Variants in ACO1 observed in about 807,000 individuals in gnomAD.
ACO1 encodes aconitase 1.
ACO1 carries 78 observed loss-of-function variants against 105.1 expected under a neutral mutation model. The observed-to-expected ratio is 0.74, with a 90% confidence interval of 0.62 to 0.90. The LOEUF (loss-of-function observed/expected upper bound fraction) is 0.90, where lower values mean the gene tolerates loss of function less well. Ranked by LOEUF, ACO1 falls within the 40% of genes least tolerant of loss-of-function variation. The pLI is 0.00. For missense variants in ACO1, 965 were observed against 1,111.1 expected (o/e 0.87, Z 1.87); for synonymous variants, 364 against 397.4 (o/e 0.92, Z 1.00).
chr9:32,421,708 C>T (rs1227412580), intron 8 of ACO1, among the ~76,000 whole-genome samples: 2 of 152,018 alleles, frequency 1.3e-5, no homozygotes, highest in African/African-American at 4.8e-5. Flanking sequence ...GGGCCGATCT[C>T]GCACCACTGC....
At chr9:32,387,623 G>A (rs1821181906) in intron 1 of ACO1, among the ~76,000 whole-genome samples, 1 of 152,136 alleles carries the variant, frequency 6.6e-6, no homozygotes, top group Non-Finnish European at 1.5e-5. Flanking sequence ...AAAAAAATCT[G>A]TTTTCATCAT....
chr9:32,391,425 AAT>A (rs1821265030), intron 1 of ACO1, among the ~76,000 whole-genome samples: 1 of 152,230 alleles, frequency 6.6e-6, no homozygotes, highest in East Asian at 1.9e-4. Context: ...CTATTGAAAC[AAT>A]ATCACACTCT....
intron 1 of ACO1, among the ~76,000 whole-genome samples, chr9:32,404,480 TAAGCC>T (rs1821563318): frequency 6.6e-6 from 1 of 152,302 alleles, no homozygotes. Flanking sequence ...CCAACTTTTA[TAAGCC>T]AAGAATTCAT....
chr9:32,392,001 A>G (rs947180766), intron 1 of ACO1, among the ~76,000 whole-genome samples: 1 of 152,224 alleles, frequency 6.6e-6, no homozygotes, highest in Non-Finnish European at 1.5e-5. Context: ...AATAATGCCT[A>G]TATTATTTAC....
intron 4 of ACO1, among the ~76,000 whole-genome samples, chr9:32,415,627 G>A (rs1407354469): frequency 2.6e-5 from 4 of 152,206 alleles, no homozygotes; most frequent in Admixed American, 2.0e-4. Context: ...AGTACCTTGA[G>A]GAGCAGCTGT....
chr9:32,393,985 C>T (rs1821319724), intron 1 of ACO1, among the ~76,000 whole-genome samples: 1 of 152,154 alleles, frequency 6.6e-6, no homozygotes, highest in South Asian at 2.1e-4. Flanking sequence ...GATTGCAGCT[C>T]AGAATCCTTT....
intron 2 of ACO1, 129 bp downstream of exon 2, chr9:32,405,732 CACAA>C: frequency 1.6e-6 from 1 of 643,686 alleles, no homozygotes; most frequent in Non-Finnish European, 2.7e-6. Flanking sequence ...GGATTAAGTG[CACAA>C]GCACTCACAT....
rs200246624 is a variant in ACO1, at chr9:32,448,995, G to A, written c.2470G>A (p.Ala824Thr). The stretch of plus-strand genomic sequence containing the variant: ...ACTTGAATATCTCCCTGGTGAGAAT[G>A]CAGATGCCCTGGGGCTCACAGGGCA... ...IPLEYLPGEN[A>T]DALGLTGQER... The change falls in exon 20 of 21, where the codon GCA becomes ACA. Residue 824 changes from alanine (A) to threonine (T), a missense_variant. Physicochemically the swap from Ala to Thr is moderately conservative, Grantham distance 58. Transcript: ENST00000309951. The A allele has an allele frequency of 1.2e-6, 2 of 1,614,186 alleles. No homozygotes were observed. The highest frequency in any genetic ancestry group is 2.7e-5 in the African/African-American group (2 of 75,040).
intron 2 of ACO1, 142 bp from the exon 3 acceptor site, chr9:32,407,119 T>C (rs1471524861): frequency 2.7e-6 from 2 of 746,466 alleles, no homozygotes; most frequent in Non-Finnish European, 4.4e-6. Flanking sequence ...TCCATGTATT[T>C]TAAACTGTTG....
At chr9:32,400,223 G>C (rs139701924) in intron 1 of ACO1, among the ~76,000 whole-genome samples, 566 of 152,018 alleles carry the variant, frequency 3.7e-3, no homozygotes, top group Non-Finnish European at 6.1e-3. Context: ...CGCCCATCTC[G>C]ACCTCCTAAA....
At chr9:32,447,299 C>T (rs1822636793) in intron 19 of ACO1, among the ~76,000 whole-genome samples, 1 of 152,084 alleles carries the variant, frequency 6.6e-6, no homozygotes, top group African/African-American at 2.4e-5. Context: ...TTTCTTATTG[C>T]TTTATTTCAT....
chr9:32,411,966 T>C (rs984164442), intron 4 of ACO1, among the ~76,000 whole-genome samples: 1 of 152,154 alleles, frequency 6.6e-6, no homozygotes. Flanking sequence ...CTTGACCTCC[T>C]GGGCTTAAGC....
chr9:32,414,084 C>A lies in ACO1; in HGVS notation c.405-4044C>A, dbSNP rs972700005. Among the ~76,000 whole-genome samples, 11 of 152,054 alleles carry A rather than the reference C, an allele frequency of 7.2e-5. No individual in the cohort carries two copies. The East Asian group carries it at 2.1e-3, about 29-fold the overall frequency. On this transcript the variant is annotated intron_variant, in intron 4 of 20. Coordinates refer to ENST00000309951, the MANE Select transcript of ACO1 (RefSeq NM_002197.3). Reference sequence around the variant, plus strand: ...CCGGGAATGGCGTGAACCCAGGAGGCGGAGCTTGCAGTGAGCCGAGATTGC... The same window carrying A: ...CCGGGAATGGCGTGAACCCAGGAGGAGGAGCTTGCAGTGAGCCGAGATTGC...
intron 12 of ACO1, among the ~76,000 whole-genome samples, chr9:32,428,333 C>T (rs1168444467): frequency 1.3e-5 from 2 of 151,716 alleles, no homozygotes; most frequent in South Asian, 2.1e-4. Context: ...AGGCCTACAC[C>T]GGGTCAGGAT....
In ACO1 at chr9:32,434,478, T is replaced by C. The variant is rs1198587424; in HGVS notation, c.1957-81T>C. The C allele has an allele frequency of 1.9e-6, 3 of 1,544,072 alleles. No individual in the cohort carries two copies. The African/African-American group carries it at 4.1e-5, about 21-fold the overall frequency. On this transcript the variant is annotated intron_variant, in intron 16 of 20. Coordinates refer to ENST00000309951, the MANE Select transcript of ACO1 (RefSeq NM_002197.3). ...GGAACTGTCCTCTGATTCAGGTCCA[T>C]GGGCCACCATCGTAGAGACTGATCT...
rs966473849 is a variant in ACO1, at chr9:32,450,522, T to A, written c.*411T>A. The A allele has an allele frequency of 7.1e-6, 2 of 282,870 alleles. No homozygotes were observed. Among genetic ancestry groups the A allele is most frequent in the Non-Finnish European group, 1.4e-5 (2 of 144,680 alleles). 17.5% of individuals were successfully genotyped at this position (282,870 alleles called of 1,614,324 possible). ...GCTCTGCTCAATGAAACCTTCCTCTTGAGGGTCATTTTCCTTTCTGTATTA... is the reference window on the plus strand; with the variant it reads ...GCTCTGCTCAATGAAACCTTCCTCTAGAGGGTCATTTTCCTTTCTGTATTA... On this transcript the variant is annotated 3_prime_UTR_variant, in exon 21 of 21. Transcript: ENST00000309951.
intron 15 of ACO1, among the ~76,000 whole-genome samples, 171 bp from the exon 16 acceptor site, chr9:32,433,557 A>C (rs1182244423): frequency 6.6e-6 from 1 of 152,088 alleles, no homozygotes; most frequent in African/African-American, 2.4e-5. Context: ...CTGGATTTTT[A>C]AGTTACTTAG....
intron 4 of ACO1, among the ~76,000 whole-genome samples, chr9:32,415,415 T>C (rs1821826669): frequency 6.6e-6 from 1 of 152,078 alleles, no homozygotes; most frequent in Admixed American, 6.6e-5. Flanking sequence ...GGAAAAGAGC[T>C]CATTAGATAT....
chr9:32,416,484 G>A (rs1431950888), intron 4 of ACO1, among the ~76,000 whole-genome samples: 5 of 152,162 alleles, frequency 3.3e-5, no homozygotes, highest in African/African-American at 7.2e-5. Flanking sequence ...CTGACTCACC[G>A]TCATCCTTCA....
Sources: allele counts gnomAD v4.1 joint callset (sites outside exome capture counted in the v4.1 genomes callset), GRCh38; gene constraint gnomAD v4.1.1; transcripts MANE v1.5; gene names NCBI Gene and HGNC (gene_info 2026-07-23, HGNC 2026-07-21).